SPATA31H1: variants seen among roughly 807,000 people sequenced by gnomAD.
SPATA31H1 encodes the protein spermatogenesis-associated protein 31H1.
chr2:27,542,651 A>AT, the SPATA31H1 span, among the ~76,000 whole-genome samples: 1,624 of 151,876 alleles, frequency 0.011, 19 homozygotes, highest in Non-Finnish European at 0.015. Context: ...GGTCCTTTCC[A>AT]TTTTTTTCTC....
chr2:27,546,794 A>G, the SPATA31H1 span, among the ~76,000 whole-genome samples: 1 of 151,960 alleles, frequency 6.6e-6, no homozygotes, highest in Non-Finnish European at 1.5e-5. Context: ...TGGCCTCCCA[A>G]AGTGTAGGAT....
the SPATA31H1 span, chr2:27,578,976 G>A: frequency 7.4e-6 from 12 of 1,614,056 alleles, no homozygotes; most frequent in East Asian, 8.9e-5. Context: ...TCAAAGCTCC[G>A]ATAAGACAGC....
chr2:27,581,767 G>C, the SPATA31H1 span: 2 of 1,612,292 alleles, frequency 1.2e-6, no homozygotes, highest in Non-Finnish European at 1.7e-6. Flanking sequence ...CCCTCAGAGA[G>C]AAGCCATCAC....
the SPATA31H1 span, chr2:27,565,987 A>AATGATC: frequency 1.4e-6 from 1 of 714,828 alleles, no homozygotes; most frequent in South Asian, 1.5e-5. Context: ...GGTTGGACAA[A>AATGATC]ATGATCATGA....
At chr2:27,555,978 A>G in the SPATA31H1 span, among the ~76,000 whole-genome samples, 3 of 151,642 alleles carry the variant, frequency 2.0e-5, no homozygotes, top group South Asian at 6.3e-4. Context: ...CTAAAAATAC[A>G]AAAATTAGCT....
the SPATA31H1 span, among the ~76,000 whole-genome samples, chr2:27,543,503 A>G: frequency 7.5e-5 from 11 of 146,714 alleles, 1 homozygote; most frequent in African/African-American, 2.3e-4. Context: ...TTTTTTGTCT[A>G]TATCAAATAT....
the SPATA31H1 span, chr2:27,573,797 G>A: frequency 5.0e-6 from 2 of 398,408 alleles, no homozygotes; most frequent in Non-Finnish European, 8.8e-6. Flanking sequence ...TTTCAGGGGT[G>A]AAATCTGGAG....
the SPATA31H1 span, among the ~76,000 whole-genome samples, chr2:27,542,209 A>G: frequency 3.3e-5 from 5 of 151,670 alleles, no homozygotes; most frequent in Admixed American, 6.6e-5. Flanking sequence ...CCAGCCTGGC[A>G]AACATGCTGA....
chr2:27,548,414 C>T, the SPATA31H1 span, among the ~76,000 whole-genome samples: 1 of 151,454 alleles, frequency 6.6e-6, no homozygotes, highest in Non-Finnish European at 1.5e-5. Flanking sequence ...TGGAGATCAG[C>T]CTGGGCAACA....
chr2:27,553,641 G>A, the SPATA31H1 span, among the ~76,000 whole-genome samples: 2 of 152,008 alleles, frequency 1.3e-5, 1 homozygote, highest in African/African-American at 4.8e-5. Context: ...TCATTAGCTG[G>A]CCGGGCATGG....
the SPATA31H1 span, among the ~76,000 whole-genome samples, chr2:27,565,148 G>A: frequency 9.9e-5 from 15 of 151,892 alleles, no homozygotes; most frequent in Non-Finnish European, 2.2e-4. Flanking sequence ...GTTAATCACC[G>A]TCCTCTATAT....
At chr2:27,580,017 C>T in the SPATA31H1 span, 2 of 1,614,204 alleles carry the variant, frequency 1.2e-6, no homozygotes, top group Non-Finnish European at 1.7e-6. Context: ...TATCTATCCA[C>T]AGCTCCACCT....
the SPATA31H1 span, chr2:27,580,862 A>G: frequency 1.2e-6 from 2 of 1,614,184 alleles, no homozygotes; most frequent in Non-Finnish European, 1.7e-6. Context: ...TATTGTGGGG[A>G]GGAACGGTCC....
chr2:27,565,892 T>C, the SPATA31H1 span, among the ~76,000 whole-genome samples: 1 of 152,140 alleles, frequency 6.6e-6, no homozygotes. Context: ...AATCTTGAGA[T>C]GGGTTAAGTC....
the SPATA31H1 span, among the ~76,000 whole-genome samples, chr2:27,556,699 T>A: frequency 0.019 from 2,832 of 148,824 alleles, 135 homozygotes; most frequent in African/African-American, 0.063. Flanking sequence ...TATATTTTTT[T>A]TTTTTTAATT....
At chr2:27,581,817 A>C in the SPATA31H1 span, 1 of 1,610,246 alleles carries the variant, frequency 6.2e-7, no homozygotes, top group Non-Finnish European at 8.5e-7. Context: ...CTCTGAGAGA[A>C]GACATCACAG....
the SPATA31H1 span, among the ~76,000 whole-genome samples, chr2:27,550,922 C>T: frequency 5.9e-3 from 901 of 151,494 alleles, 15 homozygotes; most frequent in African/African-American, 0.021. Context: ...TGGAGTCTCA[C>T]TCTGTCACCC....
the SPATA31H1 span, among the ~76,000 whole-genome samples, chr2:27,539,000 G>C: frequency 6.6e-6 from 1 of 152,072 alleles, no homozygotes; most frequent in African/African-American, 2.4e-5. Flanking sequence ...TGAATGTTTG[G>C]ATGTGGAAGG....
At chr2:27,569,037 C>T in the SPATA31H1 span, 1 of 398,926 alleles carries the variant, frequency 2.5e-6, no homozygotes, top group East Asian at 3.6e-5. Flanking sequence ...GTTGACACAA[C>T]CATCTTTAGG....
Sources: allele counts gnomAD v4.1 joint callset (sites outside exome capture counted in the v4.1 genomes callset), GRCh38; gene constraint gnomAD v4.1.1; transcripts MANE v1.5; gene names NCBI Gene and HGNC (gene_info 2026-07-23, HGNC 2026-07-21).